The following RPRD1A variants were observed in gnomAD, a reference collection of about 807,000 sequenced individuals.
RPRD1A encodes regulation of nuclear pre-mRNA domain containing 1A, also known as regulation of nuclear pre-mRNA domain-containing protein 1A.
RPRD1A carries 9 observed loss-of-function variants against 37.8 expected under a neutral mutation model. The observed-to-expected ratio is 0.24, with a 90% CI of 0.14 to 0.42. RPRD1A has a LOEUF of 0.42. Ranked by LOEUF, RPRD1A falls within the 10% of genes least tolerant of loss-of-function variation. The probability of loss-of-function intolerance (pLI) is 1.00; values close to 1 mark genes in which losing one functional copy is unlikely to be tolerated. For synonymous variants in RPRD1A, 138 were observed against 139.7 expected, an observed-to-expected ratio of 0.99 and a Z score of 0.08; for missense variants, 255 against 371.0, an observed-to-expected ratio of 0.69 and a Z score of 2.57.
At chr18:36,042,397 T>C (rs1403388494) in intron 1 of RPRD1A, among the ~76,000 whole-genome samples, 1 of 152,232 alleles carries the variant, frequency 6.6e-6, no homozygotes, top group African/African-American at 2.4e-5. Flanking sequence ...TTGATCAACA[T>C]TTACTGAATA....
At chr18:36,039,638 C>A (rs1015980627) in intron 1 of RPRD1A, among the ~76,000 whole-genome samples, 4 of 152,124 alleles carry the variant, frequency 2.6e-5, no homozygotes, top group African/African-American at 9.7e-5. Flanking sequence ...ATTGTACATA[C>A]CATATGTATA....
intron 6 of RPRD1A, among the ~76,000 whole-genome samples, chr18:36,018,238 TA>T (rs1910737622): frequency 6.6e-6 from 1 of 152,096 alleles, no homozygotes. Context: ...ACAAGTAAGT[TA>T]CCAATTTTAA....
At chr18:36,018,024 G>A (rs1161562504) in intron 6 of RPRD1A, among the ~76,000 whole-genome samples, 1 of 152,190 alleles carries the variant, frequency 6.6e-6, no homozygotes, top group Non-Finnish European at 1.5e-5. Context: ...ATTTCAAGAC[G>A]ATAATTTACT....
intron 1 of RPRD1A, among the ~76,000 whole-genome samples, chr18:36,037,696 T>G (rs1912294121): frequency 6.6e-6 from 1 of 152,206 alleles, no homozygotes; most frequent in African/African-American, 2.4e-5. Flanking sequence ...AGTTTGGAAC[T>G]CCCTAGAGAC....
At chr18:36,058,353 C>T (rs1913937554) in intron 1 of RPRD1A, among the ~76,000 whole-genome samples, 1 of 152,008 alleles carries the variant, frequency 6.6e-6, no homozygotes, top group South Asian at 2.1e-4. Flanking sequence ...GGCCAGAAAA[C>T]CAACAGAAGA....
intron 1 of RPRD1A, among the ~76,000 whole-genome samples, 162 bp from the exon 2 acceptor site, chr18:36,033,999 C>G (rs778278450): frequency 3.9e-5 from 6 of 152,088 alleles, no homozygotes; most frequent in Non-Finnish European, 7.4e-5. Flanking sequence ...TAACCAGTCA[C>G]TGCTGCTAAA....
rs112569323 is a variant in RPRD1A, at chr18:35,990,245, C to T, written c.*2906G>A. 1.8e-3 allele frequency: 270 copies of T among 152,232 alleles called. 3 individuals carry two copies. Among genetic ancestry groups the T allele is most frequent in the African/African-American group, 6.3e-3 (262 of 41,540 alleles). The allele number at this position is 152,232 out of a possible 1,614,324, so 9.4% of individuals were successfully genotyped here. A position where few individuals can be genotyped will look rare whatever the true frequency, so the allele number is the denominator to read the frequency against. On this transcript the variant is annotated 3_prime_UTR_variant, in exon 7 of 7. Coordinates refer to ENST00000399022, the MANE Select transcript of RPRD1A (RefSeq NM_018170.5). ...GTTAATTTGTACTGTTGAGTTTTTT[C>T]TCTCTAAAGATTTCTCAGAATCAGT...
chr18:35,994,871 T>C (rs143521355), intron 6 of RPRD1A, among the ~76,000 whole-genome samples: 19 of 152,340 alleles, frequency 1.2e-4, no homozygotes, highest in African/African-American at 4.6e-4. Context: ...TTTTTGTGGT[T>C]TTAGTAAAAA....
intron 4 of RPRD1A, chr18:36,027,998 A>G (rs1911497817): frequency 6.6e-6 from 1 of 152,126 alleles, no homozygotes; most frequent in Non-Finnish European, 1.5e-5. Flanking sequence ...CATACAAGCT[A>G]TAATTAGGAG....
Position 36,033,836 on chromosome 18 carries a change from G to A in RPRD1A, c.153C>T (p.Ala51=). The A allele has an allele frequency of 6.3e-7, 1 of 1,595,152 alleles. No individual in the cohort carries two copies. Among genetic ancestry groups the A allele is most frequent in the Non-Finnish European group, 8.5e-7 (1 of 1,173,486 alleles). The stretch of plus-strand genomic sequence containing the variant: ...GAAAAGTAAGCTTCCTGTTTGGTTT[G>A]GCTGAAAAATAAGAAAAAGTTAAAA... ...VTVWERELRK[A]KPNRKLTFLY... The change falls in exon 2 of 7, where the codon GCC becomes GCT. Residue 51 remains alanine, a splice_region_variant and synonymous_variant. Coordinates refer to ENST00000399022, the MANE Select transcript of RPRD1A (RefSeq NM_018170.5).
chr18:36,008,577 G>GTGTGTGTGTATATGTATATATATATATA, intron 6 of RPRD1A, among the ~76,000 whole-genome samples: 2 of 47,802 alleles, frequency 4.2e-5, no homozygotes, highest in African/African-American at 6.8e-5. Flanking sequence ...CCTTGTGTGT[G>GTGTGTGTGTATATGTATATATATATATA]TATATATATA....
chr18:35,998,117 G>A (rs537328968), intron 6 of RPRD1A, among the ~76,000 whole-genome samples: 2 of 152,298 alleles, frequency 1.3e-5, no homozygotes, highest in African/African-American at 2.4e-5. Flanking sequence ...CCAGCACTTC[G>A]GGAGGCCAAG....
rs1314588586 is a variant in RPRD1A, at chr18:35,992,401, G to GTCAAATATACATTTGACAAATACA, written c.*749_*750insTGTATTTGTCAAATGTATATTTGA. 9 of 152,060 alleles carry GTCAAATATACATTTGACAAATACA rather than the reference G, an allele frequency of 5.9e-5. No homozygotes were observed. The highest frequency in any genetic ancestry group is 4.4e-5 in the Non-Finnish European group (3 of 68,002). The allele number at this position is 152,060 out of a possible 1,614,324, so 9.4% of individuals were successfully genotyped here. On this transcript the variant is annotated 3_prime_UTR_variant, in exon 7 of 7. Transcript: ENST00000399022. The stretch of plus-strand genomic sequence containing the variant: ...GTTCCAGAACCAAAGTTGTCCTCTT[G>GTCAAATATACATTTGACAAATACA]GTAGAATGTCAAAATGTATATTATT...
At chr18:36,062,796 A>G (rs574260311) in intron 1 of RPRD1A, among the ~76,000 whole-genome samples, 1 of 152,252 alleles carries the variant, frequency 6.6e-6, no homozygotes, top group South Asian at 2.1e-4. Context: ...GAGATGGGGG[A>G]CTGGGGACAA....
At chr18:36,041,819 T>A (rs1490863823) in intron 1 of RPRD1A, among the ~76,000 whole-genome samples, 1 of 152,246 alleles carries the variant, frequency 6.6e-6, no homozygotes, top group African/African-American at 2.4e-5. Context: ...GGATTCTATC[T>A]GTCCCAGACA....
chr18:35,998,870 C>A (rs1184531706), intron 6 of RPRD1A, among the ~76,000 whole-genome samples: 1 of 152,200 alleles, frequency 6.6e-6, no homozygotes, highest in Admixed American at 6.5e-5. Context: ...TACTTCAACA[C>A]TAGTGAACTA....
At chr18:36,030,590 T>C (rs1911705532) in intron 4 of RPRD1A, among the ~76,000 whole-genome samples, 1 of 152,162 alleles carries the variant, frequency 6.6e-6, no homozygotes, top group Non-Finnish European at 1.5e-5. Flanking sequence ...AAATCCTCTT[T>C]CTATACAAAA....
chr18:36,060,756 GTGA>G (rs1162717181), intron 1 of RPRD1A, among the ~76,000 whole-genome samples: 2 of 152,082 alleles, frequency 1.3e-5, no homozygotes, highest in Non-Finnish European at 2.9e-5. Context: ...TATTGAAAAA[GTGA>G]TGATTTCAAC....
chr18:36,006,707 A>C (rs893657573), intron 6 of RPRD1A, among the ~76,000 whole-genome samples: 1 of 152,180 alleles, frequency 6.6e-6, no homozygotes, highest in Non-Finnish European at 1.5e-5. Context: ...ATAAATCCTC[A>C]AATGGAGGGA....
Sources: gnomAD v4.1 joint callset for allele counts (sites outside exome capture counted in the v4.1 genomes callset) on GRCh38, gnomAD v4.1.1 for gene constraint, MANE v1.5 for transcripts, NCBI Gene and HGNC (gene_info 2026-07-23, HGNC 2026-07-21) for gene names.